Variants in CATSPERD observed in about 807,000 individuals in gnomAD.
CATSPERD encodes catsper channel auxiliary subunit delta, also known as cation channel sperm-associated auxiliary subunit delta.
In CATSPERD, 86 loss-of-function variants were observed where a neutral mutation model predicts 98.1. That is an observed-to-expected ratio of 0.88 (90% CI 0.74 to 1.05). The LOEUF (loss-of-function observed/expected upper bound fraction) is 1.05, where lower values mean the gene tolerates loss of function less well. Among genes scored for constraint, CATSPERD ranks in the 50% least tolerant of loss-of-function variants. The pLI is 0.00. For missense variants in CATSPERD, 995 were observed against 1,005.7 expected (o/e 0.99, Z 0.14); for synonymous variants, 394 against 390.2 (o/e 1.01, Z -0.12).
At chr19:5,750,246 T>A (rs140651059) in intron 11 of CATSPERD, among the ~76,000 whole-genome samples, 3,739 of 148,546 alleles carry the variant, frequency 0.025, 70 homozygotes, top group Admixed American at 0.058. Flanking sequence ...CAGGAGATCG[T>A]GACCATCCTG....
At chr19:5,749,356 G>C (rs1013489044) in intron 11 of CATSPERD, among the ~76,000 whole-genome samples, 173 bp downstream of exon 11, 1 of 152,076 alleles carries the variant, frequency 6.6e-6, no homozygotes, top group Non-Finnish European at 1.5e-5. Context: ...GCCGAGCCTG[G>C]TGGTGGGCAC....
chr19:5,768,356 G>A (rs1599589258), intron 18 of CATSPERD, 114 bp downstream of exon 18: 2 of 614,916 alleles, frequency 3.3e-6, no homozygotes, highest in African/African-American at 2.2e-5. Flanking sequence ...TATTATTATT[G>A]AGATGGAGTC....
At chr19:5,776,135 A>G (rs751429282) in intron 20 of CATSPERD, 26 bp from the exon 21 acceptor site, 1 of 1,611,154 alleles carries the variant, frequency 6.2e-7, no homozygotes, top group African/African-American at 1.3e-5. Flanking sequence ...CCCTAGGGCC[A>G]GTGGGCATGT....
At chr19:5,730,944 T>C (rs935043709) in intron 4 of CATSPERD, among the ~76,000 whole-genome samples, 3 of 152,092 alleles carry the variant, frequency 2.0e-5, no homozygotes, top group African/African-American at 7.2e-5. Context: ...GAGCTTGCAG[T>C]GAGCCGAGAT....
chr19:5,760,516 C>T (rs1323674609), intron 15 of CATSPERD, among the ~76,000 whole-genome samples: 1 of 151,524 alleles, frequency 6.6e-6, no homozygotes, highest in African/African-American at 2.4e-5. Flanking sequence ...CTGTGTGATT[C>T]CACTCCTAGG....
At chr19:5,725,790 A>G (rs539793277) in intron 2 of CATSPERD, among the ~76,000 whole-genome samples, 2 of 151,934 alleles carry the variant, frequency 1.3e-5, no homozygotes, top group Non-Finnish European at 2.9e-5. Context: ...AATCCCAGCT[A>G]TCGGGAGGCT....
chr19:5,727,152 G>A (rs1348330171), intron 2 of CATSPERD, 116 bp from the exon 3 acceptor site: 4 of 697,730 alleles, frequency 5.7e-6, no homozygotes, highest in Non-Finnish European at 9.7e-6. Flanking sequence ...CCAAGATTGT[G>A]CAACTGCACT....
chr19:5,739,842 A>AAAAAAAAAAAAAAAAG (rs57355784), intron 7 of CATSPERD, among the ~76,000 whole-genome samples: 3 of 132,980 alleles, frequency 2.3e-5, no homozygotes, highest in Non-Finnish European at 3.1e-5. Context: ...TCATCTCAAA[A>AAAAAAAAAAAAAAAAG]AAAAAAAAAA....
chr19:5,748,227 C>T lies in CATSPERD; in HGVS notation c.876C>T (p.Ala292=). The stretch of plus-strand genomic sequence containing the variant: ...CCTTGTTTTCTTCCATTTTTGAAGC[C>T]AAGATCACCATCCACAACATTGCTG... ...DQTLFSSIFE[A]KITIHNIAVT... Residue 292 remains alanine, a synonymous_variant, in exon 10 of 22, where the codon GCC becomes GCT. Coordinates refer to ENST00000381624, the MANE Select transcript of CATSPERD (RefSeq NM_152784.4). 6.2e-7 allele frequency: 1 copy of T among 1,613,982 alleles called. No individual in the cohort carries two copies. The highest frequency in any genetic ancestry group is 8.5e-7 in the Non-Finnish European group (1 of 1,179,972).
chr19:5,775,937 C>T (rs902254547), intron 20 of CATSPERD, among the ~76,000 whole-genome samples: 19 of 152,144 alleles, frequency 1.2e-4, no homozygotes, highest in Non-Finnish European at 1.8e-4. Context: ...CTCAATCTTT[C>T]GGCCTCCAAC....
intron 7 of CATSPERD, among the ~76,000 whole-genome samples, chr19:5,743,261 C>T (rs1422139238): frequency 2.0e-5 from 3 of 151,938 alleles, no homozygotes; most frequent in African/African-American, 7.3e-5. Flanking sequence ...TGAGATCACA[C>T]CATTGCACTC....
intron 7 of CATSPERD, 35 bp downstream of exon 7, chr19:5,739,474 A>C: frequency 8.6e-7 from 1 of 1,169,468 alleles, no homozygotes; most frequent in Non-Finnish European, 1.2e-6. Context: ...GAAAATAAAT[A>C]CATATGTACC....
At chr19:5,744,358 G>A in intron 7 of CATSPERD, 69 bp from the exon 8 acceptor site, 2 of 1,288,434 alleles carry the variant, frequency 1.6e-6, no homozygotes, top group Non-Finnish European at 2.2e-6. Context: ...TAGATAATCT[G>A]AAGTTAAACC....
chr19:5,733,209 G>A (rs935761684), intron 4 of CATSPERD, among the ~76,000 whole-genome samples: 1 of 152,058 alleles, frequency 6.6e-6, no homozygotes, highest in Non-Finnish European at 1.5e-5. Context: ...GGCCAGGCTG[G>A]TCTTGAAATC....
At chr19:5,754,393 CTTTTTTTTTT>C in intron 13 of CATSPERD, 148 bp downstream of exon 13, 6 of 229,706 alleles carry the variant, frequency 2.6e-5, no homozygotes, top group Admixed American at 6.7e-5. Context: ...GTCTCTGTGT[CTTTTTTTTTT>C]TTTTTTTTTT....
intron 1 of CATSPERD, among the ~76,000 whole-genome samples, chr19:5,724,327 T>C (rs1206233341): frequency 6.6e-6 from 1 of 151,358 alleles, no homozygotes; most frequent in Non-Finnish European, 1.5e-5. Flanking sequence ...CCTCCCAAAG[T>C]GCTGGGATTA....
intron 8 of CATSPERD, among the ~76,000 whole-genome samples, chr19:5,745,063 C>T (rs527961629): frequency 6.6e-6 from 1 of 152,056 alleles, no homozygotes; most frequent in South Asian, 2.1e-4. Context: ...GTGCTTCAGC[C>T]TCCTGAATAG....
In CATSPERD at chr19:5,743,032, G is replaced by A. The variant is rs529729194; in HGVS notation, c.574-1395G>A. On this transcript the variant is annotated intron_variant, in intron 7 of 21. Coordinates refer to ENST00000381624, the MANE Select transcript of CATSPERD (RefSeq NM_152784.4). ...AATTAAGGATCTTGAGGCTGGGCTC[G>A]ATGGCTCACGCCTGTAATCCCAGCA... Among the ~76,000 whole-genome samples the A allele has an allele frequency of 5.9e-5, 9 of 151,974 alleles. No individual in the cohort carries two copies. In the South Asian group the frequency reaches 8.3e-4, roughly 14 times the overall value.
intron 9 of CATSPERD, among the ~76,000 whole-genome samples, chr19:5,746,300 G>A (rs571960153): frequency 1.3e-5 from 2 of 152,336 alleles, no homozygotes; most frequent in South Asian, 4.1e-4. Context: ...ACTGAAATAA[G>A]TGACGGTGAC....
Sources: allele counts gnomAD v4.1 joint callset (sites outside exome capture counted in the v4.1 genomes callset), GRCh38; gene constraint gnomAD v4.1.1; transcripts MANE v1.5; gene names NCBI Gene and HGNC (gene_info 2026-07-23, HGNC 2026-07-21).